Variants in PRKCA observed in about 807,000 individuals in gnomAD.
The protein encoded by PRKCA is protein kinase C alpha type.
A neutral mutation model predicts 87.0 loss-of-function variants in PRKCA; 27 were observed. The observed-to-expected ratio is 0.31, with a 90% CI of 0.23 to 0.43. The LOEUF (loss-of-function observed/expected upper bound fraction) is 0.43. PRKCA is among the 20% of genes least tolerant of loss of function. PRKCA has a pLI of 1.00. For missense variants in PRKCA, 518 were observed against 852.3 expected (o/e 0.61, Z 4.88); for synonymous variants, 329 against 311.1 (o/e 1.06, Z -0.61).
chr17:66,578,024 CG>C (rs1969294685), intron 3 of PRKCA, among the ~76,000 whole-genome samples: 4 of 152,094 alleles, frequency 2.6e-5, no homozygotes, highest in Non-Finnish European at 2.9e-5. Context: ...CCCTCCACCC[CG>C]TGAGCTCTTT....
At chr17:66,546,005 G>T (rs1017525289) in intron 3 of PRKCA, among the ~76,000 whole-genome samples, 2 of 152,040 alleles carry the variant, frequency 1.3e-5, no homozygotes, top group East Asian at 3.9e-4. Context: ...ATGATACTTC[G>T]TTTTTTATCC....
intron 2 of PRKCA, among the ~76,000 whole-genome samples, chr17:66,461,018 C>T (rs1021445093): frequency 7.2e-5 from 11 of 151,888 alleles, no homozygotes; most frequent in African/African-American, 2.2e-4. Context: ...CCAGCCTGGG[C>T]GACAAGGCAA....
At chr17:66,769,304 T>C (rs1441017866) in intron 13 of PRKCA, among the ~76,000 whole-genome samples, 2 of 151,066 alleles carry the variant, frequency 1.3e-5, no homozygotes, top group African/African-American at 4.9e-5. Context: ...TGCATTGAGC[T>C]ATGATTATGC....
chr17:66,425,801 A>G (rs563611173), intron 2 of PRKCA, among the ~76,000 whole-genome samples: 77 of 152,276 alleles, frequency 5.1e-4, no homozygotes, highest in African/African-American at 1.8e-3. Flanking sequence ...CCCCAATGCA[A>G]ACGGCATTAA....
intron 2 of PRKCA, among the ~76,000 whole-genome samples, chr17:66,337,322 A>G (rs1598600871): frequency 2.0e-5 from 3 of 152,178 alleles, no homozygotes; most frequent in South Asian, 4.1e-4. Flanking sequence ...AGTCCTCAAC[A>G]TGTAAAGATT....
chr17:66,526,956 C>G (rs1453857208), intron 3 of PRKCA, among the ~76,000 whole-genome samples: 1 of 152,090 alleles, frequency 6.6e-6, no homozygotes, highest in Non-Finnish European at 1.5e-5. Flanking sequence ...CAAACTATAG[C>G]TTATTGGGCC....
intron 2 of PRKCA, among the ~76,000 whole-genome samples, chr17:66,375,906 C>G (rs1909390589): frequency 6.6e-6 from 1 of 152,122 alleles, no homozygotes; most frequent in African/African-American, 2.4e-5. Flanking sequence ...GATATTGCTA[C>G]CTGCTTGCTA....
intron 16 of PRKCA, among the ~76,000 whole-genome samples, chr17:66,799,980 G>A (rs1975863844): frequency 6.6e-6 from 1 of 152,194 alleles, no homozygotes; most frequent in African/African-American, 2.4e-5. Context: ...GTTCTCCTGA[G>A]TCTCGTAGCT....
chr17:66,496,293 C>T lies in PRKCA; in HGVS notation c.288+10C>T. 2 of 1,602,598 alleles carry T rather than the reference C, an allele frequency of 1.2e-6. No individual in the cohort carries two copies. The highest frequency in any genetic ancestry group is 1.7e-6 in the Non-Finnish European group (2 of 1,171,512). On this transcript the variant is annotated intron_variant, in intron 3 of 16. Coordinates refer to ENST00000413366, the MANE Select transcript of PRKCA (RefSeq NM_002737.3). The stretch of plus-strand genomic sequence containing the variant: ...GGGACCCGACACTGATGTAAGTAGT[C>T]CTGAAATCATGATTTGATGTCAATG...
intron 13 of PRKCA, among the ~76,000 whole-genome samples, chr17:66,772,164 C>A (rs1032966383): frequency 2.6e-5 from 4 of 152,100 alleles, no homozygotes; most frequent in African/African-American, 9.7e-5. Context: ...GATGTATCAT[C>A]CCCGGGTAAT....
At chr17:66,494,358 C>T (rs976519231) in intron 2 of PRKCA, among the ~76,000 whole-genome samples, 3 of 152,142 alleles carry the variant, frequency 2.0e-5, no homozygotes, top group Admixed American at 1.3e-4. Context: ...GCCAGGAAGT[C>T]GAAGATCAAG....
chr17:66,630,072 T>A (rs541300700), intron 3 of PRKCA, among the ~76,000 whole-genome samples: 2 of 152,332 alleles, frequency 1.3e-5, no homozygotes, highest in East Asian at 1.9e-4. Context: ...AACATTTTTT[T>A]AAAACGTGAG....
chr17:66,702,764 A>T (rs1973095157), intron 8 of PRKCA, among the ~76,000 whole-genome samples: 1 of 152,174 alleles, frequency 6.6e-6, no homozygotes, highest in Non-Finnish European at 1.5e-5. Flanking sequence ...AGATTTCATC[A>T]TGCAAACATC....
At chr17:66,473,804 C>T in intron 2 of PRKCA, among the ~76,000 whole-genome samples, 1 of 152,110 alleles carries the variant, frequency 6.6e-6, no homozygotes, top group Non-Finnish European at 1.5e-5. Context: ...CATGGTGGCA[C>T]ATGCCTGTAA....
At chr17:66,567,013 A>G (rs893184516) in intron 3 of PRKCA, among the ~76,000 whole-genome samples, 3 of 152,164 alleles carry the variant, frequency 2.0e-5, no homozygotes, top group Admixed American at 1.3e-4. Context: ...AGAAAATACA[A>G]TTGTCACATT....
In PRKCA at chr17:66,434,434, A is replaced by T. The variant is rs573205623; in HGVS notation, c.206-61767A>T. ...AATGATGATTTGGGAAACATGGATG[A>T]TGCACTGATCTGAGCTTATAGATCC... On this transcript the variant is annotated intron_variant, in intron 2 of 16. Coordinates refer to ENST00000413366, the MANE Select transcript of PRKCA (RefSeq NM_002737.3). Among the ~76,000 whole-genome samples the T allele has an allele frequency of 2.0e-5, 3 of 152,258 alleles. No individual in the cohort carries two copies. In the South Asian group the frequency reaches 6.2e-4, roughly 32 times the overall value.
intron 2 of PRKCA, among the ~76,000 whole-genome samples, chr17:66,360,375 T>G (rs1027235996): frequency 7.9e-5 from 12 of 152,184 alleles, no homozygotes; most frequent in Non-Finnish European, 7.3e-5. Context: ...CAGTCCTCCA[T>G]GAGTCTTAGC....
At chr17:66,554,086 C>T (rs573328107) in intron 3 of PRKCA, among the ~76,000 whole-genome samples, 56 of 152,232 alleles carry the variant, frequency 3.7e-4, no homozygotes, top group Admixed American at 3.1e-3. Context: ...AAAGAAGACA[C>T]CTGTGTTCAG....
chr17:66,358,824 C>G (rs1169339185), intron 2 of PRKCA, among the ~76,000 whole-genome samples: 1 of 151,898 alleles, frequency 6.6e-6, no homozygotes, highest in East Asian at 1.9e-4. Context: ...AGTGTCTCCA[C>G]ATTAACAAGC....
Sources: gnomAD v4.1 joint callset for allele counts (sites outside exome capture counted in the v4.1 genomes callset) on GRCh38, gnomAD v4.1.1 for gene constraint, MANE v1.5 for transcripts, NCBI Gene and HGNC (gene_info 2026-07-23, HGNC 2026-07-21) for gene names.